ZBTB20: variants seen among roughly 807,000 people sequenced by gnomAD.
ZBTB20 encodes the protein zinc finger and BTB domain containing 20.
ZBTB20 carries 9 observed loss-of-function variants against 56.9 expected under a neutral mutation model. The observed-to-expected ratio is 0.16, with a 90% CI of 0.10 to 0.28. The LOEUF (loss-of-function observed/expected upper bound fraction) is 0.28, where lower values mean the gene tolerates loss of function less well. Ranked by LOEUF, ZBTB20 falls within the 10% of genes least tolerant of loss-of-function variation. ZBTB20 has a pLI of 1.00. For synonymous variants in ZBTB20, 417 were observed against 420.7 expected (o/e 0.99, Z 0.11); for missense variants, 655 against 1,003.0 (o/e 0.65, Z 4.69).
intron 5 of ZBTB20, among the ~76,000 whole-genome samples, chr3:114,741,200 G>A (rs1268811870): frequency 1.3e-5 from 2 of 152,128 alleles, no homozygotes; most frequent in Admixed American, 6.5e-5. Context: ...CAGGCACAGT[G>A]TAAGATCCAC....
At position 114,604,714 on chromosome 3, in the gene ZBTB20, G is replaced by A. The variant is rs188236553; in HGVS notation, c.-295+88814C>T. On this transcript the variant is annotated intron_variant, in intron 6 of 11. Transcript: ENST00000675478. ...GCAGTTTGGTCCAAATGGCGTCTTT[G>A]GAGCAAAAAATGATTCAGGTTCTTC... is the stretch of plus-strand genomic sequence containing the variant. 3.5e-3 allele frequency among the ~76,000 whole-genome samples: 539 copies of A among 151,986 alleles called. 2 individuals are homozygous for A. Among genetic ancestry groups the A allele is most frequent in the African/African-American group, 0.011 (436 of 41,506 alleles).
At chr3:114,650,547 TG>T (rs2060076718) in intron 6 of ZBTB20, among the ~76,000 whole-genome samples, 1 of 151,984 alleles carries the variant, frequency 6.6e-6, no homozygotes, top group South Asian at 2.1e-4. Flanking sequence ...GTCAGTATTC[TG>T]ACAGCCTTTT....
chr3:115,088,086 A>G (rs759829320), intron 1 of ZBTB20, among the ~76,000 whole-genome samples: 7 of 151,940 alleles, frequency 4.6e-5, no homozygotes, highest in Non-Finnish European at 1.0e-4. Context: ...TCAAATCAAA[A>G]TAAATTTAGG....
intron 5 of ZBTB20, among the ~76,000 whole-genome samples, chr3:114,745,362 C>G (rs1419638800): frequency 6.6e-6 from 1 of 152,102 alleles, no homozygotes; most frequent in Non-Finnish European, 1.5e-5. Context: ...GCTAAATCCT[C>G]GTCCATGGTT....
At chr3:114,905,819 C>T (rs17685145) in intron 3 of ZBTB20, among the ~76,000 whole-genome samples, 6,458 of 151,836 alleles carry the variant, frequency 0.043, 165 homozygotes, top group Middle Eastern at 0.11. Context: ...CCACATTGGA[C>T]AAGAATGAGT....
intron 5 of ZBTB20, among the ~76,000 whole-genome samples, chr3:114,729,764 C>T (rs2065587655): frequency 6.6e-6 from 1 of 151,894 alleles, no homozygotes; most frequent in South Asian, 2.1e-4. Context: ...TAGAGAATTG[C>T]AGAATTTCAG....
intron 6 of ZBTB20, among the ~76,000 whole-genome samples, chr3:114,627,864 C>T (rs2058731491): frequency 6.6e-6 from 1 of 152,134 alleles, no homozygotes; most frequent in Non-Finnish European, 1.5e-5. Context: ...CTGAATTCTT[C>T]TATGTTCCAG....
intron 1 of ZBTB20, among the ~76,000 whole-genome samples, chr3:115,120,954 AAG>A (rs1313035868): frequency 1.3e-5 from 2 of 152,116 alleles, no homozygotes; most frequent in African/African-American, 4.8e-5. Context: ...GAAAAAAAGA[AAG>A]AGATGAGATT....
At chr3:114,800,265 T>C (rs2071617227) in intron 5 of ZBTB20, among the ~76,000 whole-genome samples, 3 of 151,930 alleles carry the variant, frequency 2.0e-5, no homozygotes, top group South Asian at 4.1e-4. Context: ...AAAATGCTTT[T>C]CTTTTTTTTC....
intron 4 of ZBTB20, among the ~76,000 whole-genome samples, chr3:114,812,306 T>C (rs907457228): frequency 6.6e-6 from 1 of 151,788 alleles, no homozygotes; most frequent in Non-Finnish European, 1.5e-5. Flanking sequence ...GACACAAAGG[T>C]TCTCCACATC....
At chr3:114,632,805 C>T (rs2059031663) in intron 6 of ZBTB20, among the ~76,000 whole-genome samples, 1 of 152,136 alleles carries the variant, frequency 6.6e-6, no homozygotes, top group Non-Finnish European at 1.5e-5. Context: ...ACTTAAGAAT[C>T]ACCTGAACTT....
intron 7 of ZBTB20, among the ~76,000 whole-genome samples, chr3:114,435,508 A>C (rs2090458563): frequency 1.3e-5 from 2 of 152,204 alleles, no homozygotes; most frequent in Non-Finnish European, 2.9e-5. Flanking sequence ...GCAGTAGGAC[A>C]CAAAGCCTGT....
At chr3:115,071,907 G>A (rs184175474) in intron 1 of ZBTB20, among the ~76,000 whole-genome samples, 3 of 152,106 alleles carry the variant, frequency 2.0e-5, no homozygotes, top group Non-Finnish European at 4.4e-5. Context: ...ATTCCACAGG[G>A]TTTAGCTTGC....
At chr3:115,139,777 T>C (rs900747332) in intron 1 of ZBTB20, among the ~76,000 whole-genome samples, 2 of 152,096 alleles carry the variant, frequency 1.3e-5, no homozygotes, top group Non-Finnish European at 2.9e-5. Context: ...TTATGCTGCA[T>C]GAAATGCAGA....
chr3:114,779,527 C>T (rs187947897), intron 5 of ZBTB20, among the ~76,000 whole-genome samples: 3 of 152,232 alleles, frequency 2.0e-5, no homozygotes, highest in African/African-American at 4.8e-5. Flanking sequence ...GGGTTTGTAA[C>T]CTTTGTGATA....
chr3:115,085,280 A>G (rs916575070), intron 1 of ZBTB20, among the ~76,000 whole-genome samples: 56 of 151,974 alleles, frequency 3.7e-4, no homozygotes, highest in African/African-American at 1.2e-3. Context: ...TGGCCTAACA[A>G]CACTGAATCC....
chr3:114,431,676 C>T lies in ZBTB20; in HGVS notation c.-254-42571G>A, dbSNP rs376035378. The stretch of plus-strand genomic sequence containing the variant: ...GTGCGTCCACCAACAATAAAAAGGA[C>T]ACATGACTCATACCCCAATATTAAT... On this transcript the variant is annotated intron_variant, in intron 7 of 11. Coordinates refer to ENST00000675478, the MANE Select transcript of ZBTB20 (RefSeq NM_001348800.3). 5.9e-5 allele frequency among the ~76,000 whole-genome samples: 9 copies of T among 152,240 alleles called. No individual in the cohort carries two copies. The East Asian group carries it at 1.5e-3, about 26-fold the overall frequency.
chr3:114,707,872 C>T (rs1046912282), intron 5 of ZBTB20, among the ~76,000 whole-genome samples: 1 of 152,148 alleles, frequency 6.6e-6, no homozygotes, highest in Admixed American at 6.6e-5. Flanking sequence ...CTGCTGGCAC[C>T]ATATAACTTA....
At chr3:114,586,792 C>T (rs944994693) in intron 6 of ZBTB20, among the ~76,000 whole-genome samples, 9 of 151,988 alleles carry the variant, frequency 5.9e-5, no homozygotes, top group East Asian at 1.9e-4. Flanking sequence ...CCTCCTGGGA[C>T]GAAGGTAGAA....
Sources: allele counts gnomAD v4.1 joint callset (sites outside exome capture counted in the v4.1 genomes callset), GRCh38; gene constraint gnomAD v4.1.1; transcripts MANE v1.5; gene names NCBI Gene and HGNC (gene_info 2026-07-23, HGNC 2026-07-21).